Variants in PRKG1 observed in about 807,000 individuals in gnomAD.
PRKG1 encodes protein kinase cGMP-dependent 1.
A neutral mutation model predicts 88.1 loss-of-function variants in PRKG1; 35 were observed. That is an observed-to-expected ratio of 0.40 (90% CI 0.30 to 0.53). The LOEUF is 0.53. Among genes scored for constraint, PRKG1 ranks in the 20% least tolerant of loss-of-function variants. The pLI is 0.59. For synonymous variants in PRKG1, 303 were observed against 292.5 expected, an observed-to-expected ratio of 1.04 and a Z score of -0.37; for missense variants, 540 against 839.8, an observed-to-expected ratio of 0.64 and a Z score of 4.41.
intron 1 of PRKG1, among the ~76,000 whole-genome samples, chr10:51,104,766 G>T (rs951787665): frequency 6.1e-5 from 9 of 148,488 alleles, no homozygotes; most frequent in Admixed American, 4.7e-4. Context: ...TTTTGCTCTT[G>T]TTGCCCAGGC....
upstream of PRKG1, chr10:51,074,410 T>G (rs1443298297): frequency 3.5e-6 from 5 of 1,432,934 alleles, no homozygotes; most frequent in African/African-American, 4.3e-5. Flanking sequence ...GCACTGAAAC[T>G]CTGGGTGGCT....
chr10:51,269,936 C>G (rs978477969), intron 2 of PRKG1, among the ~76,000 whole-genome samples: 3 of 152,118 alleles, frequency 2.0e-5, no homozygotes, highest in Non-Finnish European at 4.4e-5. Flanking sequence ...CATTTTAATG[C>G]AGTTTGGATC....
At chr10:51,461,315 G>A (rs1332742320) in intron 2 of PRKG1, among the ~76,000 whole-genome samples, 3 of 152,084 alleles carry the variant, frequency 2.0e-5, no homozygotes, top group Non-Finnish European at 4.4e-5. Flanking sequence ...TTATTTCTAT[G>A]ATGATGTCAA....
intron 1 of PRKG1, among the ~76,000 whole-genome samples, chr10:51,054,946 C>T (rs1458101647): frequency 6.6e-6 from 1 of 152,096 alleles, no homozygotes; most frequent in Admixed American, 6.5e-5. Context: ...GTATAAGGCA[C>T]TATAATAATA....
intron 5 of PRKG1, among the ~76,000 whole-genome samples, chr10:51,945,921 A>G (rs1298938972): frequency 2.0e-5 from 3 of 150,296 alleles, no homozygotes; most frequent in African/African-American, 7.4e-5. Flanking sequence ...GGTGAATCTG[A>G]CAATTATGTG....
chr10:51,436,119 AGGCAAT>A (rs1018005103), intron 2 of PRKG1, among the ~76,000 whole-genome samples: 5 of 151,780 alleles, frequency 3.3e-5, no homozygotes, highest in Non-Finnish European at 5.9e-5. Flanking sequence ...TGTAAAACAA[AGGCAAT>A]GATGCCCTTA....
chr10:51,788,639 T>G (rs1387207402), intron 3 of PRKG1, among the ~76,000 whole-genome samples: 1 of 152,200 alleles, frequency 6.6e-6, no homozygotes, highest in Non-Finnish European at 1.5e-5. Flanking sequence ...TAAGCAGCCT[T>G]GTCATATACT....
chr10:52,251,834 A>T lies in PRKG1; in HGVS notation c.1173+168A>T, dbSNP rs1031268765. On this transcript the variant is annotated intron_variant, in intron 10 of 17. Coordinates refer to ENST00000373980, the MANE Select transcript of PRKG1 (RefSeq NM_006258.4). ...CGGCAGACATGTCATAATTAGACAC[A>T]AAGTGGGCTAAATTATGCAGTCAAC... The T allele has an allele frequency of 1.9e-5, 11 of 572,144 alleles. No homozygotes were observed. In the Middle Eastern group the frequency reaches 1.1e-3, roughly 57 times the overall value. 35.4% of individuals were successfully genotyped at this position (572,144 alleles called of 1,614,324 possible). A position where few individuals can be genotyped will look rare whatever the true frequency, so the allele number is the denominator to read the frequency against.
intron 2 of PRKG1, among the ~76,000 whole-genome samples, chr10:51,432,782 C>T (rs888227194): frequency 6.6e-5 from 10 of 152,160 alleles, no homozygotes; most frequent in African/African-American, 2.4e-4. Flanking sequence ...GTCATCACAT[C>T]TTCTAGGTCT....
chr10:51,211,526 G>T (rs1838219541), intron 2 of PRKG1, among the ~76,000 whole-genome samples: 1 of 152,174 alleles, frequency 6.6e-6, no homozygotes, highest in Non-Finnish European at 1.5e-5. Context: ...AAGTCAAATT[G>T]TCCCTGTTTG....
At position 51,205,127 on chromosome 10, in the gene PRKG1, C is replaced by CTTTCTTTTTTT. The variant is rs1433048297; in HGVS notation, c.478+51800_478+51801insCTTTTTTTTTT. On this transcript the variant is annotated intron_variant, in intron 2 of 17. Coordinates refer to ENST00000373980, the MANE Select transcript of PRKG1 (RefSeq NM_006258.4). ...TAAGGAAGAATTTTCATTTTCTTTT[C>CTTTCTTTTTTT]TTTTTTTTTTTTTTTTTTTTTTTTT... Among the ~76,000 whole-genome samples, 84 of 64,012 alleles carry CTTTCTTTTTTT rather than the reference C, an allele frequency of 1.3e-3. 20 individuals carry two copies. The highest frequency in any genetic ancestry group is 3.7e-3 in the Admixed American group (18 of 4,846). The allele number at this position is 64,012 out of a possible 152,430, so 42.0% of individuals were successfully genotyped here. A position where few individuals can be genotyped will look rare whatever the true frequency, so the allele number is the denominator to read the frequency against.
intron 2 of PRKG1, among the ~76,000 whole-genome samples, chr10:51,317,475 C>T (rs1442992920): frequency 6.6e-6 from 1 of 152,208 alleles, no homozygotes; most frequent in East Asian, 1.9e-4. Flanking sequence ...CGCACACAAA[C>T]ACCCTTGGCT....
chr10:51,439,637 T>C (rs1010886388), intron 2 of PRKG1, among the ~76,000 whole-genome samples: 1 of 152,000 alleles, frequency 6.6e-6, no homozygotes, highest in East Asian at 1.9e-4. Flanking sequence ...GTTTTAAAGA[T>C]GTAAATTCCA....
intron 2 of PRKG1, among the ~76,000 whole-genome samples, chr10:51,303,833 A>G (rs538913177): frequency 6.6e-6 from 1 of 152,078 alleles, no homozygotes; most frequent in South Asian, 2.1e-4. Flanking sequence ...ACACACATAC[A>G]TATTTGAGAC....
At chr10:51,809,447 T>A (rs1214349331) in intron 4 of PRKG1, among the ~76,000 whole-genome samples, 2 of 152,204 alleles carry the variant, frequency 1.3e-5, no homozygotes, top group African/African-American at 2.4e-5. Flanking sequence ...GCCAAATAAC[T>A]GCCAGAGTTA....
At position 51,415,411 on chromosome 10, in the gene PRKG1, G is replaced by C. The variant is rs571527504; in HGVS notation, c.479-52312G>C. 2.6e-5 allele frequency among the ~76,000 whole-genome samples: 4 copies of C among 152,150 alleles called. No homozygotes were observed. The South Asian group carries it at 8.3e-4, about 32-fold the overall frequency. On this transcript the variant is annotated intron_variant, in intron 2 of 17. Transcript: ENST00000373980. Reference sequence around the variant, plus strand: ...TTCTGTTGCCTTATTTGGTATCTTTGCTGTTTCTGATGCTTCTGTTGGGGA... The same window carrying C: ...TTCTGTTGCCTTATTTGGTATCTTTCCTGTTTCTGATGCTTCTGTTGGGGA...
chr10:51,726,878 G>A (rs895622054), intron 3 of PRKG1, among the ~76,000 whole-genome samples: 4 of 152,014 alleles, frequency 2.6e-5, no homozygotes, highest in Admixed American at 6.6e-5. Flanking sequence ...CCAGGTTCAC[G>A]CCATTCTCCT....
At chr10:52,207,035 G>A (rs1226998961) in intron 9 of PRKG1, among the ~76,000 whole-genome samples, 1 of 152,208 alleles carries the variant, frequency 6.6e-6, no homozygotes, top group East Asian at 1.9e-4. Context: ...TGCCAACAGG[G>A]GCATTGCAAT....
In PRKG1 at chr10:50,991,388, C is replaced by T; in HGVS notation, c.10C>T (p.Leu4=). Residue 4 remains leucine, a synonymous_variant, in exon 1 of 18, where the codon CTA becomes TTA. Transcript: ENST00000401604. The surrounding 1 kb of genome is among the most constrained non-coding windows in gnomAD (Gnocchi z 4.5). ...GGGGCTCAGTGAAAAAATGAGCGAGCTAGAGGAAGACTTTGCCAAGATTCT... is the reference window on the plus strand; with the variant it reads ...GGGGCTCAGTGAAAAAATGAGCGAGTTAGAGGAAGACTTTGCCAAGATTCT... 6.5e-7 allele frequency: 1 copy of T among 1,543,062 alleles called. No individual in the cohort carries two copies. The highest frequency in any genetic ancestry group is 8.7e-7 in the Non-Finnish European group (1 of 1,144,616).
Sources: allele counts gnomAD v4.1 joint callset (sites outside exome capture counted in the v4.1 genomes callset), GRCh38; gene constraint gnomAD v4.1.1; non-coding constraint Gnocchi (gnomAD v3.1); transcripts MANE v1.5; gene names NCBI Gene and HGNC (gene_info 2026-07-23, HGNC 2026-07-21).